RNLS: variants seen among roughly 807,000 people sequenced by gnomAD.
RNLS encodes renalase, FAD dependent amine oxidase.
A neutral mutation model predicts 39.8 loss-of-function variants in RNLS; 39 were observed. The observed-to-expected ratio is 0.98, with a 90% CI of 0.76 to 1.28. The LOEUF (loss-of-function observed/expected upper bound fraction) is 1.28, where lower values mean the gene tolerates loss of function less well. Ranked by LOEUF, RNLS falls within the 50% of genes most tolerant of loss-of-function variation. The pLI, the probability that RNLS is intolerant of heterozygous loss-of-function variation, is 0.00. For missense variants in RNLS, 410 were observed against 413.3 expected (o/e 0.99, Z 0.07); for synonymous variants, 147 against 150.7 (o/e 0.98, Z 0.18).
intron 4 of RNLS, among the ~76,000 whole-genome samples, chr10:88,369,517 C>T (rs191555331): frequency 8.9e-4 from 135 of 152,220 alleles, no homozygotes; most frequent in South Asian, 2.9e-3. Flanking sequence ...TGGCTCTTTT[C>T]CCCTGGTTCC....
chr10:88,369,210 C>T (rs778138362), intron 4 of RNLS, among the ~76,000 whole-genome samples: 2 of 152,022 alleles, frequency 1.3e-5, no homozygotes, highest in African/African-American at 2.4e-5. Flanking sequence ...TCTTTCCTCC[C>T]TCCCCATGAC....
intron 4 of RNLS, among the ~76,000 whole-genome samples, chr10:88,489,004 AAT>A (rs1844736906): frequency 6.6e-6 from 1 of 152,206 alleles, no homozygotes; most frequent in Non-Finnish European, 1.5e-5. Flanking sequence ...CATTATCTGT[AAT>A]AAGACACACT....
chr10:88,415,705 T>C (rs806694), intron 4 of RNLS, among the ~76,000 whole-genome samples: 103,541 of 152,052 alleles, frequency 0.68, 36,029 homozygotes, highest in African/African-American at 0.83. Context: ...TATGCATGTA[T>C]GCTTCTTAGA....
intron 4 of RNLS, among the ~76,000 whole-genome samples, chr10:88,455,507 C>T (rs922090691): frequency 3.3e-5 from 5 of 152,010 alleles, no homozygotes; most frequent in Non-Finnish European, 4.4e-5. Flanking sequence ...CCCGGGTTCA[C>T]GCCATTCTCC....
At chr10:88,554,588 C>T (rs147693390) in intron 4 of RNLS, among the ~76,000 whole-genome samples, 3 of 152,036 alleles carry the variant, frequency 2.0e-5, no homozygotes, top group African/African-American at 7.2e-5. Flanking sequence ...GATGATCTTG[C>T]TTCTTGTTTC....
At chr10:88,382,595 A>C (rs904695484) in intron 4 of RNLS, among the ~76,000 whole-genome samples, 13 of 152,150 alleles carry the variant, frequency 8.5e-5, no homozygotes, top group Admixed American at 7.9e-4. Flanking sequence ...AATTATCCAG[A>C]TAGAACAAAC....
chr10:88,301,272 T>C (rs925684164), intron 6 of RNLS, among the ~76,000 whole-genome samples: 3 of 152,216 alleles, frequency 2.0e-5, no homozygotes, highest in African/African-American at 7.2e-5. Context: ...CCTAATTCAA[T>C]GATCAGAATT....
intron 4 of RNLS, among the ~76,000 whole-genome samples, chr10:88,540,206 G>A (rs1254267714): frequency 1.3e-5 from 2 of 152,014 alleles, no homozygotes; most frequent in African/African-American, 4.8e-5. Flanking sequence ...TCCTCCAAAG[G>A]CCAAAGACAA....
At chr10:88,360,460 A>C (rs1849551300) in intron 5 of RNLS, among the ~76,000 whole-genome samples, 1 of 152,074 alleles carries the variant, frequency 6.6e-6, no homozygotes, top group African/African-American at 2.4e-5. Context: ...TTTGAGATGG[A>C]GTCTTGCACT....
chr10:88,419,650 AC>A (rs1421307852), intron 4 of RNLS, among the ~76,000 whole-genome samples: 1 of 152,210 alleles, frequency 6.6e-6, no homozygotes, highest in African/African-American at 2.4e-5. Flanking sequence ...TTCTTCATTT[AC>A]AAATTTTGAA....
chr10:88,365,171 C>A (rs1344762558), intron 4 of RNLS, among the ~76,000 whole-genome samples: 1 of 151,908 alleles, frequency 6.6e-6, no homozygotes, highest in Admixed American at 6.6e-5. Flanking sequence ...CAATTCATTC[C>A]GAGAACAGGG....
chr10:88,527,726 C>T (rs1034866153), intron 4 of RNLS, among the ~76,000 whole-genome samples: 1 of 151,748 alleles, frequency 6.6e-6, no homozygotes, highest in African/African-American at 2.4e-5. Context: ...TAGTTGTGCA[C>T]CTTTAAAATA....
chr10:88,565,297 G>C (rs1168324665), intron 4 of RNLS, among the ~76,000 whole-genome samples: 1 of 152,034 alleles, frequency 6.6e-6, no homozygotes, highest in Non-Finnish European at 1.5e-5. Context: ...ATATGGCTTT[G>C]TAAGTGGATG....
At chr10:88,405,029 T>G (rs1286772114) in intron 4 of RNLS, among the ~76,000 whole-genome samples, 1 of 152,022 alleles carries the variant, frequency 6.6e-6, no homozygotes, top group African/African-American at 2.4e-5. Context: ...GAATTATAGT[T>G]AGGCTTAGGA....
the RNLS span, among the ~76,000 whole-genome samples, chr10:88,221,382 G>C: frequency 6.6e-6 from 1 of 152,176 alleles, no homozygotes; most frequent in African/African-American, 2.4e-5. Flanking sequence ...ACCTTGAACT[G>C]TCGTCTTTTC....
chr10:88,536,551 C>T (rs1847770291), intron 4 of RNLS, among the ~76,000 whole-genome samples: 2 of 152,142 alleles, frequency 1.3e-5, no homozygotes, highest in Admixed American at 1.3e-4. Context: ...TATACTCTAG[C>T]TCCTATCTAC....
chr10:88,568,501 A>G (rs1849644864), intron 4 of RNLS, among the ~76,000 whole-genome samples: 1 of 151,884 alleles, frequency 6.6e-6, no homozygotes, highest in Non-Finnish European at 1.5e-5. Context: ...TCTTAAAGCT[A>G]TTTTTTTGTG....
At chr10:88,545,399 G>C (rs1030989956) in intron 4 of RNLS, 8 of 453,850 alleles carry the variant, frequency 1.8e-5, no homozygotes, top group Non-Finnish European at 3.5e-5. Context: ...AGTTCCACAT[G>C]CTGGAAAGGC....
At chr10:88,196,414 T>C in the RNLS span, among the ~76,000 whole-genome samples, 2 of 152,226 alleles carry the variant, frequency 1.3e-5, no homozygotes, top group African/African-American at 4.8e-5. Context: ...CTTTGGTAGA[T>C]GGAATTATTG....
Sources: allele counts gnomAD v4.1 joint callset (sites outside exome capture counted in the v4.1 genomes callset), GRCh38; gene constraint gnomAD v4.1.1; transcripts MANE v1.5; gene names NCBI Gene and HGNC (gene_info 2026-07-23, HGNC 2026-07-21).